CUX1: variants seen among roughly 807,000 people sequenced by gnomAD.
CUX1 encodes the protein cut like homeobox 1.
CUX1 carries 31 observed loss-of-function variants against 158.8 expected under a neutral mutation model. The observed-to-expected ratio is 0.20, with a 90% CI of 0.15 to 0.26. The LOEUF is 0.26. CUX1 is among the 10% of genes least tolerant of loss of function. CUX1 has a pLI of 1.00. For missense variants in CUX1, 1,589 were observed against 2,014.6 expected (o/e 0.79, Z 4.04); for synonymous variants, 879 against 862.1 (o/e 1.02, Z -0.34).
chr7:102,262,430 A>G (rs979760647), downstream of CUX1, among the ~76,000 whole-genome samples: 22 of 4,534 alleles, frequency 4.9e-3, no homozygotes, highest in Non-Finnish European at 0.012. Flanking sequence ...ATGGATGGAT[A>G]ACTCACAGGG....
chr7:101,959,638 A>G (rs1225941772), intron 2 of CUX1: 12 of 152,256 alleles, frequency 7.9e-5, no homozygotes, highest in South Asian at 2.1e-4. Context: ...AACTGATTCT[A>G]TCGAGGGTGG....
At chr7:102,224,211 TA>T (rs2132312947) in intron 20 of CUX1, among the ~76,000 whole-genome samples, 1 of 152,148 alleles carries the variant, frequency 6.6e-6, no homozygotes, top group East Asian at 1.9e-4. Flanking sequence ...TTTATTTATT[TA>T]TTTATTTATT....
At chr7:101,935,074 C>T (rs1427870055) in intron 2 of CUX1, among the ~76,000 whole-genome samples, 1 of 152,132 alleles carries the variant, frequency 6.6e-6, no homozygotes, top group Non-Finnish European at 1.5e-5. Flanking sequence ...GTGACCTGCA[C>T]GTACACATCC....
At chr7:102,110,170 A>T (rs553489103) in intron 6 of CUX1, among the ~76,000 whole-genome samples, 1 of 152,216 alleles carries the variant, frequency 6.6e-6, no homozygotes, top group Admixed American at 6.5e-5. Context: ...TATTCATATT[A>T]CACTATAGTA....
intron 8 of CUX1, among the ~76,000 whole-genome samples, chr7:102,140,316 G>A (rs1045937834): frequency 2.6e-5 from 4 of 151,968 alleles, no homozygotes; most frequent in Non-Finnish European, 4.4e-5. Context: ...GCACGATCTC[G>A]GCTCACTGCA....
At chr7:102,018,119 G>A (rs1293937022) in intron 2 of CUX1, among the ~76,000 whole-genome samples, 1 of 151,974 alleles carries the variant, frequency 6.6e-6, no homozygotes, top group Non-Finnish European at 1.5e-5. Flanking sequence ...ACCATGCCTG[G>A]GTAATTTTTT....
chr7:101,874,549 CTT>C (rs1216392129), intron 1 of CUX1, among the ~76,000 whole-genome samples: 1 of 152,196 alleles, frequency 6.6e-6, no homozygotes, highest in Non-Finnish European at 1.5e-5. Flanking sequence ...ATCGTGATGT[CTT>C]TGAATTCTCA....
intron 1 of CUX1, among the ~76,000 whole-genome samples, chr7:101,857,122 C>T (rs1390208308): frequency 1.3e-5 from 2 of 152,206 alleles, no homozygotes; most frequent in Non-Finnish European, 2.9e-5. Context: ...TTTGGGCCTG[C>T]GCCATGTTCC....
intron 1 of CUX1, among the ~76,000 whole-genome samples, chr7:101,905,579 A>C (rs1029005734): frequency 1.3e-5 from 2 of 152,204 alleles, no homozygotes; most frequent in African/African-American, 2.4e-5. Context: ...TAGACCCGGA[A>C]CATCCTCTCT....
chr7:102,014,503 T>G (rs935840722), intron 2 of CUX1, among the ~76,000 whole-genome samples: 4 of 152,224 alleles, frequency 2.6e-5, no homozygotes, highest in Non-Finnish European at 2.9e-5. Flanking sequence ...AGTTGCTGCT[T>G]CTTTGGTGCC....
chr7:102,106,926 C>T (rs1830418804), intron 6 of CUX1, among the ~76,000 whole-genome samples: 1 of 152,212 alleles, frequency 6.6e-6, no homozygotes, highest in African/African-American at 2.4e-5. Flanking sequence ...ATTAAGCTGA[C>T]TTCATTCAAA....
chr7:102,245,099 G>A (rs782539065), intron 23 of CUX1, among the ~76,000 whole-genome samples: 1 of 152,210 alleles, frequency 6.6e-6, no homozygotes, highest in South Asian at 2.1e-4. Context: ...CTGGAGTGCA[G>A]TGGCAAAATC....
chr7:101,935,510 A>C (rs866435752), intron 2 of CUX1, among the ~76,000 whole-genome samples: 3 of 152,228 alleles, frequency 2.0e-5, no homozygotes, highest in African/African-American at 4.8e-5. Context: ...GCCATCGGAC[A>C]TGCTGGCACA....
intron 2 of CUX1, among the ~76,000 whole-genome samples, chr7:101,930,704 A>C (rs1806188541): frequency 6.6e-6 from 1 of 152,162 alleles, no homozygotes; most frequent in Admixed American, 6.5e-5. Context: ...AAAGGAGTAT[A>C]TAATTGGATC....
chr7:102,114,468 A>G (rs1554491210), intron 7 of CUX1, among the ~76,000 whole-genome samples: 2 of 152,086 alleles, frequency 1.3e-5, no homozygotes, highest in Admixed American at 6.6e-5. Context: ...GTAGAGACAG[A>G]GTTTCGCCAT....
intron 4 of CUX1, among the ~76,000 whole-genome samples, chr7:102,074,106 C>T (rs558978270): frequency 2.0e-5 from 3 of 152,264 alleles, no homozygotes; most frequent in South Asian, 2.1e-4. Context: ...AGGAAGGGCC[C>T]GGTCAATAGT....
chr7:101,982,787 A>G (rs1034218266), intron 2 of CUX1, among the ~76,000 whole-genome samples: 3 of 151,674 alleles, frequency 2.0e-5, no homozygotes, highest in Non-Finnish European at 2.9e-5. Context: ...TTTGTTACAT[A>G]TGTATATATG....
intron 14 of CUX1, chr7:102,273,359 GC>G (rs782268541): frequency 1.9e-6 from 3 of 1,610,706 alleles, no homozygotes; most frequent in Non-Finnish European, 1.7e-6. Flanking sequence ...TCTTCCTTTG[GC>G]CACAGGACGC....
chr7:101,969,282 C>G (rs1811619057), intron 2 of CUX1, among the ~76,000 whole-genome samples: 1 of 150,108 alleles, frequency 6.7e-6, no homozygotes, highest in African/African-American at 2.5e-5. Context: ...ATGCATTGAG[C>G]CAAGATCGTG....
Sources: gnomAD v4.1 joint callset for allele counts (sites outside exome capture counted in the v4.1 genomes callset) on GRCh38, gnomAD v4.1.1 for gene constraint, MANE v1.5 for transcripts, NCBI Gene and HGNC (gene_info 2026-07-23, HGNC 2026-07-21) for gene names.